WDFY4: variants seen among roughly 807,000 people sequenced by gnomAD.
WDFY4 encodes the protein WD repeat- and FYVE domain-containing protein 4.
Under a neutral mutation model 351.9 loss-of-function variants are expected in WDFY4, and 169 were observed. The ratio of observed to expected loss-of-function variants is 0.48; its 90% CI spans 0.42 to 0.55. The LOEUF is 0.55. Among genes scored for constraint, WDFY4 ranks in the 20% least tolerant of loss-of-function variants. The pLI is 0.00. For synonymous variants in WDFY4, 1,622 were observed against 1,574.6 expected (o/e 1.03, Z -0.71); for missense variants, 3,803 against 3,935.6 (o/e 0.97, Z 0.90).
At chr10:48,805,516 C>T in intron 26 of WDFY4, 95 bp downstream of exon 26, 1 of 1,436,706 alleles carries the variant, frequency 7.0e-7, no homozygotes, top group South Asian at 1.4e-5. Context: ...GTGCTCAACC[C>T]TGAATCACTT....
Position 48,877,026 on chromosome 10 carries a change from G to A in WDFY4, c.7001-7G>A. The A allele has an allele frequency of 6.8e-7, 1 of 1,473,996 alleles. No individual in the cohort carries two copies. Among genetic ancestry groups the A allele is most frequent in the Non-Finnish European group, 9.0e-7 (1 of 1,109,896 alleles). The allele number at this position is 1,473,996 out of a possible 1,614,324, so 91.3% of individuals were successfully genotyped here. On this transcript the variant is annotated splice_region_variant and splice_polypyrimidine_tract_variant and intron_variant, in intron 42 of 61. Transcript: ENST00000325239. ...TCAACACCACGTGTCCCTTTATGCTGCTGCAGATGAACTGACACTGAGGGA... is the reference window on the plus strand; with the variant it reads ...TCAACACCACGTGTCCCTTTATGCTACTGCAGATGAACTGACACTGAGGGA...
intron 35 of WDFY4, among the ~76,000 whole-genome samples, chr10:48,825,808 G>C (rs575490496): frequency 6.6e-6 from 1 of 151,618 alleles, no homozygotes; most frequent in African/African-American, 2.4e-5. Context: ...GGGGTCGTTT[G>C]GTTTTTTCTT....
At chr10:48,804,596 G>A (rs528297979) in intron 25 of WDFY4, 1 of 258,018 alleles carries the variant, frequency 3.9e-6, no homozygotes, top group Non-Finnish European at 6.0e-6. Context: ...AGTTCAAAGT[G>A]AGGAATCTGC....
intron 47 of WDFY4, among the ~76,000 whole-genome samples, chr10:48,924,249 T>A (rs1051469295): frequency 6.6e-6 from 1 of 152,170 alleles, no homozygotes; most frequent in African/African-American, 2.4e-5. Flanking sequence ...ACCCTTCCTC[T>A]CAGTTATAGA....
At chr10:48,776,023 A>G (rs1235724973) in intron 15 of WDFY4, among the ~76,000 whole-genome samples, 2 of 152,254 alleles carry the variant, frequency 1.3e-5, no homozygotes. Flanking sequence ...ACCCAGACAT[A>G]TAAGACAGAT....
intron 23 of WDFY4, among the ~76,000 whole-genome samples, chr10:48,794,915 G>T (rs768715787): frequency 2.6e-5 from 4 of 152,202 alleles, no homozygotes; most frequent in Non-Finnish European, 5.9e-5. Context: ...AGGGTGTGTT[G>T]ATAATGCTTT....
chr10:48,967,334 G>A (rs1842129814), intron 55 of WDFY4: 1 of 152,266 alleles, frequency 6.6e-6, no homozygotes, highest in Non-Finnish European at 1.5e-5. Flanking sequence ...GAGAGTTGGT[G>A]AGGAAAAGAT....
rs377356942 is a variant in WDFY4 at position 48,721,221 on chromosome 10, G to T, written c.350-40G>T. The stretch of plus-strand genomic sequence containing the variant: ...CCTGGATGGAGGGGAAGCTGAGTGG[G>T]CAGGTCGCTGTATGCCCTGCTGGTG... On this transcript the variant is annotated intron_variant, in intron 3 of 61. Transcript: ENST00000325239. 24 of 1,535,244 alleles carry T rather than the reference G, an allele frequency of 1.6e-5. No homozygotes were observed. The African/African-American group carries it at 3.3e-4, about 21-fold the overall frequency.
chr10:48,737,610 A>G (rs539293911), intron 11 of WDFY4, among the ~76,000 whole-genome samples: 1 of 152,366 alleles, frequency 6.6e-6, no homozygotes, highest in East Asian at 1.9e-4. Context: ...CGTCATGACC[A>G]TAATCATCAT....
rs1185507966 is a variant in WDFY4 at position 48,789,953 on chromosome 10, G to A, written c.4034G>A (p.Arg1345Gln). 1.2e-5 allele frequency: 19 copies of A among 1,552,216 alleles called. No homozygotes were observed. Among genetic ancestry groups the A allele is most frequent in the East Asian group, 2.4e-5 (1 of 40,942 alleles). ...GCTGGCCACCTGTCAGGGTCTCTGC[G>A]GACCATTGGAGCTGTTGCTGTGGGT... The part of the protein sequence containing the change: ...NCAGHLSGSL[R>Q]TIGAVAVGQL... Residue 1345 changes from arginine to glutamine, a missense_variant, in exon 22 of 62, where the codon CGG (arginine) becomes CAG (glutamine). Arg to Gln is a conservative substitution (Grantham distance 43). Around this residue, in one of 3 missense-constraint regions of WDFY4, gnomAD observed 3,054 missense variants for 3,148.6 expected, o/e 0.97. Coordinates refer to ENST00000325239, the MANE Select transcript of WDFY4 (RefSeq NM_001394531.1).
At chr10:48,926,491 C>G (rs1009899854) in intron 47 of WDFY4, among the ~76,000 whole-genome samples, 1 of 152,200 alleles carries the variant, frequency 6.6e-6, no homozygotes, top group African/African-American at 2.4e-5. Context: ...GACAGAGAGG[C>G]AGCCTTAGCC....
At chr10:48,885,779 T>C (rs977775496) in intron 43 of WDFY4, among the ~76,000 whole-genome samples, 1 of 152,138 alleles carries the variant, frequency 6.6e-6, no homozygotes, top group Admixed American at 6.5e-5. Context: ...AATAGATAGA[T>C]AGCATCTCCT....
chr10:48,752,693 G>A (rs1036051649), intron 12 of WDFY4, among the ~76,000 whole-genome samples: 3 of 152,188 alleles, frequency 2.0e-5, no homozygotes, highest in African/African-American at 4.8e-5. Flanking sequence ...CATTTACATT[G>A]TAACGTATAT....
At position 48,777,001 on chromosome 10, in the gene WDFY4, C is replaced by G; in HGVS notation, c.3098+17C>G. The G allele has an allele frequency of 6.5e-7, 1 of 1,540,452 alleles. No individual in the cohort carries two copies. Among genetic ancestry groups the G allele is most frequent in the Non-Finnish European group, 8.8e-7 (1 of 1,141,900 alleles). ...AGGTTATGGGTATGACAGGCTTTCACATATTTAAAATGCACTTTATTAATT... is the reference window on the plus strand; with the variant it reads ...AGGTTATGGGTATGACAGGCTTTCAGATATTTAAAATGCACTTTATTAATT... On this transcript the variant is annotated intron_variant, in intron 16 of 61. Transcript: ENST00000325239.
chr10:48,734,128 G>C, intron 10 of WDFY4, 93 bp downstream of exon 10: 1 of 1,112,202 alleles, frequency 9.0e-7, no homozygotes, highest in Non-Finnish European at 1.3e-6. Context: ...TTATACTCAA[G>C]GAGTAACCAA....
At chr10:48,975,133 T>C in intron 58 of WDFY4, 92 bp downstream of exon 58, 2 of 1,514,552 alleles carry the variant, frequency 1.3e-6, no homozygotes, top group Non-Finnish European at 1.8e-6. Context: ...ACAGAGACTC[T>C]AGCCACCCCA....
Position 48,743,567 on chromosome 10 carries a change from G to T in WDFY4, c.2459+19G>T. The stretch of plus-strand genomic sequence containing the variant: ...AGGAGAGGTAGCTTCTTCTGCCAGT[G>T]TGTCATCAGTGCATCTCTGTCTCCC... On this transcript the variant is annotated intron_variant, in intron 12 of 61. Transcript: ENST00000325239. The T allele has an allele frequency of 6.6e-7, 1 of 1,524,188 alleles. No homozygotes were observed. Among genetic ancestry groups the T allele is most frequent in the South Asian group, 1.2e-5 (1 of 82,884 alleles). The allele number at this position is 1,524,188 out of a possible 1,614,324, so 94.4% of individuals were successfully genotyped here. A position where few individuals can be genotyped will look rare whatever the true frequency, so the allele number is the denominator to read the frequency against.
chr10:48,888,651 C>A (rs1037476032), intron 43 of WDFY4, among the ~76,000 whole-genome samples: 23 of 152,200 alleles, frequency 1.5e-4, no homozygotes, highest in African/African-American at 5.1e-4. Flanking sequence ...TAATTTCCAA[C>A]TTCATCTTAG....
At chr10:48,742,038 G>GC (rs879804529) in intron 11 of WDFY4, among the ~76,000 whole-genome samples, 1 of 151,882 alleles carries the variant, frequency 6.6e-6, no homozygotes, top group African/African-American at 2.4e-5. Context: ...CTTAAATGTA[G>GC]CCCCCCCTCC....
Sources: gnomAD v4.1 joint callset for allele counts (sites outside exome capture counted in the v4.1 genomes callset) on GRCh38, gnomAD v4.1.1 for gene constraint, gnomAD v4.1.1 regional missense constraint, MANE v1.5 for transcripts, NCBI Gene and HGNC (gene_info 2026-07-23, HGNC 2026-07-21) for gene names.